Variants in FBLN5 observed in about 807,000 individuals in gnomAD.
FBLN5 encodes the protein fibulin-5.
Under a neutral mutation model 61.6 loss-of-function variants are expected in FBLN5, and 24 were observed. That is an observed-to-expected ratio of 0.39 (90% CI 0.28 to 0.55). The LOEUF (loss-of-function observed/expected upper bound fraction) is 0.55, where lower values mean the gene tolerates loss of function less well. Among genes scored for constraint, FBLN5 ranks in the 20% least tolerant of loss-of-function variants. The pLI, the probability that FBLN5 is intolerant of heterozygous loss-of-function variation, is 0.65. For missense variants in FBLN5, 470 were observed against 594.1 expected (o/e 0.79, Z 2.17); for synonymous variants, 213 against 219.8 (o/e 0.97, Z 0.27).
chr14:91,897,271 C>T (rs1262672495), intron 4 of FBLN5, among the ~76,000 whole-genome samples: 1 of 152,180 alleles, frequency 6.6e-6, no homozygotes, highest in Non-Finnish European at 1.5e-5. Flanking sequence ...CAGCTCTGCC[C>T]ACCGAGCACA....
chr14:91,922,295 A>AAATAAT (rs1342796615), intron 4 of FBLN5, among the ~76,000 whole-genome samples: 1 of 147,936 alleles, frequency 6.8e-6, no homozygotes, highest in Non-Finnish European at 1.5e-5. Context: ...TCTGTCTCAA[A>AAATAAT]AATAATAATA....
intron 8 of FBLN5, among the ~76,000 whole-genome samples, chr14:91,881,722 G>C (rs1799170341): frequency 6.6e-6 from 1 of 152,058 alleles, no homozygotes; most frequent in East Asian, 1.9e-4. Flanking sequence ...GAAGCCAGGA[G>C]TTCAAGACCG....
intron 4 of FBLN5, among the ~76,000 whole-genome samples, chr14:91,898,634 T>C (rs948738073): frequency 2.0e-5 from 3 of 152,036 alleles, no homozygotes; most frequent in African/African-American, 7.2e-5. Context: ...AGTGGAAAAG[T>C]ACAAGCTATG....
In FBLN5 at chr14:91,899,052, T is replaced by C. The variant is rs189879957; in HGVS notation, c.380-3980A>G. Among the ~76,000 whole-genome samples the C allele has an allele frequency of 5.2e-3, 785 of 152,132 alleles. 15 individuals carry two copies. Among genetic ancestry groups the C allele is most frequent in the African/African-American group, 0.018 (735 of 41,502 alleles). On this transcript the variant is annotated intron_variant, in intron 4 of 10. Coordinates refer to ENST00000342058, the MANE Select transcript of FBLN5 (RefSeq NM_006329.4). ...CTCCTGACCTCGTGATCTGCCCGCATCGGCCTCCCAAAGTGCTGGGACTAC... is the reference window on the plus strand; with the variant it reads ...CTCCTGACCTCGTGATCTGCCCGCACCGGCCTCCCAAAGTGCTGGGACTAC...
chr14:91,901,799 T>C (rs937330263), intron 4 of FBLN5, among the ~76,000 whole-genome samples: 4 of 152,346 alleles, frequency 2.6e-5, no homozygotes, highest in Admixed American at 1.3e-4. Context: ...AGATTAAGCA[T>C]GGAATACAAA....
At chr14:91,924,644 T>C (rs940304830) in intron 4 of FBLN5, among the ~76,000 whole-genome samples, 2 of 150,850 alleles carry the variant, frequency 1.3e-5, no homozygotes, top group Admixed American at 6.6e-5. Context: ...ATAGCACCAC[T>C]GCACAAGAGA....
intron 4 of FBLN5, among the ~76,000 whole-genome samples, chr14:91,906,040 C>T (rs1360931167): frequency 6.6e-6 from 1 of 152,100 alleles, no homozygotes. Flanking sequence ...GCATGTGCCA[C>T]CACACCCAGC....
intron 6 of FBLN5, among the ~76,000 whole-genome samples, chr14:91,888,671 C>T (rs1221507427): frequency 6.6e-6 from 1 of 150,672 alleles, no homozygotes; most frequent in African/African-American, 2.4e-5. Context: ...CACACATATA[C>T]ATATAATTGT....
intron 5 of FBLN5, 94 bp downstream of exon 5, chr14:91,894,856 T>C (rs1471817008): frequency 3.5e-6 from 2 of 578,700 alleles, no homozygotes; most frequent in Admixed American, 2.1e-5. Flanking sequence ...AAAAGCTTAC[T>C]ACCCTCAGGC....
At chr14:91,945,459 C>T (rs2056169645) in intron 1 of FBLN5, among the ~76,000 whole-genome samples, 1 of 152,136 alleles carries the variant, frequency 6.6e-6, no homozygotes, top group Admixed American at 6.6e-5. Flanking sequence ...GGTGCCATAA[C>T]AACCAGGCTG....
intron 1 of FBLN5, among the ~76,000 whole-genome samples, chr14:91,945,605 G>A (rs1394783275): frequency 1.3e-5 from 2 of 152,194 alleles, no homozygotes; most frequent in Middle Eastern, 3.2e-3. Flanking sequence ...CTCCCTTTCA[G>A]GACACATGGC....
At chr14:91,904,096 C>T (rs1198188214) in intron 4 of FBLN5, among the ~76,000 whole-genome samples, 1 of 152,130 alleles carries the variant, frequency 6.6e-6, no homozygotes. Context: ...AGTTCACTTC[C>T]TACAATATAC....
At chr14:91,908,322 T>C (rs1434265154) in intron 4 of FBLN5, among the ~76,000 whole-genome samples, 1 of 152,144 alleles carries the variant, frequency 6.6e-6, no homozygotes, top group African/African-American at 2.4e-5. Context: ...AATCCAACAA[T>C]CCTTTCTCAT....
At chr14:91,878,045 C>CA in intron 9 of FBLN5, 1 of 417,546 alleles carries the variant, frequency 2.4e-6, no homozygotes, top group African/African-American at 2.1e-5. Flanking sequence ...CTCAAAAAAA[C>CA]AAAACAAAAA....
chr14:91,936,829 C>T, intron 4 of FBLN5, 118 bp downstream of exon 4: 2 of 1,193,352 alleles, frequency 1.7e-6, no homozygotes, highest in Non-Finnish European at 2.5e-6. Context: ...GAGAGTAAGT[C>T]ATTGTTTCAC....
At chr14:91,919,329 T>C in intron 4 of FBLN5, among the ~76,000 whole-genome samples, 1 of 80,066 alleles carries the variant, frequency 1.2e-5, no homozygotes, top group South Asian at 4.1e-4. Flanking sequence ...AGACTCTGTC[T>C]CAAAAAAAAG....
intron 6 of FBLN5, among the ~76,000 whole-genome samples, chr14:91,890,339 GA>G (rs1265022951): frequency 6.6e-6 from 1 of 152,172 alleles, no homozygotes. Context: ...AAGGGTGAAT[GA>G]AACAAGGAAA....
intron 3 of FBLN5, 139 bp from the exon 4 acceptor site, chr14:91,937,340 T>TA: frequency 9.3e-7 from 1 of 1,080,034 alleles, no homozygotes; most frequent in South Asian, 1.4e-5. Context: ...CGCGGTAAGG[T>TA]ACCCCAAATG....
intron 4 of FBLN5, among the ~76,000 whole-genome samples, chr14:91,919,247 T>C (rs373116657): frequency 4.7e-5 from 7 of 149,910 alleles, no homozygotes; most frequent in African/African-American, 1.5e-4. Flanking sequence ...AGGAAAATGA[T>C]GTGAACTTGG....
Sources: allele counts gnomAD v4.1 joint callset (sites outside exome capture counted in the v4.1 genomes callset), GRCh38; gene constraint gnomAD v4.1.1; transcripts MANE v1.5; gene names NCBI Gene and HGNC (gene_info 2026-07-23, HGNC 2026-07-21).